The following CELF2 variants were observed in gnomAD, a reference collection of about 807,000 sequenced individuals.
CELF2 encodes the protein CUGBP Elav-like family member 2.
CELF2 carries 8 observed loss-of-function variants against 62.6 expected under a neutral mutation model. The observed-to-expected ratio is 0.13, with a 90% CI of 0.07 to 0.23. The LOEUF is 0.23. Among genes scored for constraint, CELF2 ranks in the 10% least tolerant of loss-of-function variants. The pLI, the probability that CELF2 is intolerant of heterozygous loss-of-function variation, is 1.00. For synonymous variants in CELF2, 258 were observed against 250.0 expected (o/e 1.03, Z -0.30); for missense variants, 333 against 671.0 (o/e 0.50, Z 5.56).
At chr10:11,293,090 C>A (rs1112521) in intron 9 of CELF2, among the ~76,000 whole-genome samples, 4,343 of 152,304 alleles carry the variant, frequency 0.029, 221 homozygotes, top group African/African-American at 0.099. Context: ...ATCCAGAATC[C>A]AGCCAGCACA....
At chr10:10,824,012 A>T (rs2057185561) in intron 1 of CELF2, among the ~76,000 whole-genome samples, 1 of 152,168 alleles carries the variant, frequency 6.6e-6, no homozygotes, top group Non-Finnish European at 1.5e-5. Flanking sequence ...ATACATAGAT[A>T]AATAGATGAT....
chr10:10,935,803 T>C (rs913439775), intron 2 of CELF2, among the ~76,000 whole-genome samples: 1 of 152,160 alleles, frequency 6.6e-6, no homozygotes, highest in Admixed American at 6.5e-5. Flanking sequence ...TTCCACTCTC[T>C]CATAGATTTT....
upstream of CELF2, among the ~76,000 whole-genome samples, chr10:10,796,097 C>A (rs1217481664): frequency 1.3e-5 from 2 of 152,094 alleles, no homozygotes; most frequent in Non-Finnish European, 2.9e-5. Context: ...TGAAAAGCCC[C>A]CAAGCAGATG....
the CELF2 span, among the ~76,000 whole-genome samples, chr10:10,510,983 A>T: frequency 6.6e-6 from 1 of 152,172 alleles, no homozygotes; most frequent in Non-Finnish European, 1.5e-5. Flanking sequence ...GTGAAAGGGA[A>T]CTCAGAGAGG....
chr10:11,312,976 G>A (rs1330975556), intron 9 of CELF2, among the ~76,000 whole-genome samples: 1 of 152,098 alleles, frequency 6.6e-6, no homozygotes, highest in Non-Finnish European at 1.5e-5. Flanking sequence ...AATATTAGCA[G>A]AACAAATAGG....
chr10:11,303,740 T>C (rs538143994), intron 9 of CELF2, among the ~76,000 whole-genome samples: 110 of 152,286 alleles, frequency 7.2e-4, no homozygotes, highest in African/African-American at 2.6e-3. Context: ...CTTCCATAAG[T>C]AAATCTCTGC....
At chr10:10,493,778 C>T in the CELF2 span, among the ~76,000 whole-genome samples, 3 of 152,220 alleles carry the variant, frequency 2.0e-5, no homozygotes, top group South Asian at 2.1e-4. Context: ...GTGATCCACC[C>T]GCCTCGGCCT....
the CELF2 span, among the ~76,000 whole-genome samples, chr10:10,598,746 TC>T: frequency 6.9e-6 from 1 of 144,994 alleles, no homozygotes; most frequent in African/African-American, 2.6e-5. Context: ...TTTTTCTTTT[TC>T]TTTCTTTTTT....
At chr10:11,007,780 G>T (rs901146782) in intron 1 of CELF2, among the ~76,000 whole-genome samples, 4 of 152,180 alleles carry the variant, frequency 2.6e-5, no homozygotes, top group Non-Finnish European at 5.9e-5. Context: ...TGGGAGGAAA[G>T]TAGCCTTCTG....
intron 1 of CELF2, among the ~76,000 whole-genome samples, chr10:11,062,407 G>T (rs2066999058): frequency 6.6e-6 from 1 of 152,184 alleles, no homozygotes; most frequent in Non-Finnish European, 1.5e-5. Flanking sequence ...AAACCTTCTG[G>T]AAAGGATTTA....
intron 1 of CELF2, among the ~76,000 whole-genome samples, chr10:11,142,684 A>AAAAC: frequency 1.1e-5 from 1 of 93,896 alleles, no homozygotes; most frequent in Non-Finnish European, 2.1e-5. Flanking sequence ...ACGCTGTCTC[A>AAAAC]AAAAAAAAAA....
chr10:11,283,594 GATGATGGATGGGGGCTGA>G, intron 8 of CELF2, among the ~76,000 whole-genome samples: 1 of 149,864 alleles, frequency 6.7e-6, no homozygotes, highest in South Asian at 2.1e-4. Flanking sequence ...TGGGTGACTA[GATGATGGATGGGGGCTGA>G]ATGATGGATG....
At chr10:11,106,749 G>A (rs925148497) in intron 1 of CELF2, among the ~76,000 whole-genome samples, 8 of 152,328 alleles carry the variant, frequency 5.3e-5, no homozygotes, top group East Asian at 3.9e-4. Flanking sequence ...TGGTCTTTAC[G>A]GAAGGAGCTA....
the CELF2 span, among the ~76,000 whole-genome samples, chr10:10,623,542 C>T: frequency 6.6e-6 from 1 of 152,142 alleles, no homozygotes; most frequent in African/African-American, 2.4e-5. Context: ...GTCCCCAAAG[C>T]CACTGCAGCA....
intron 3 of CELF2, 123 bp from the exon 4 acceptor site, chr10:11,249,030 G>C: frequency 1.4e-6 from 1 of 737,896 alleles, no homozygotes; most frequent in Non-Finnish European, 2.4e-6. Context: ...ATAGTACCTG[G>C]AGAAGTCTTG....
At chr10:11,115,777 ACCACTGCTAAT>A (rs1564804899) in intron 1 of CELF2, among the ~76,000 whole-genome samples, 1 of 152,222 alleles carries the variant, frequency 6.6e-6, no homozygotes, top group Non-Finnish European at 1.5e-5. Context: ...GTTACTCATC[ACCACTGCTAAT>A]CCAGTTTGGT....
At chr10:10,806,680 C>T (rs1312849764) in intron 1 of CELF2, among the ~76,000 whole-genome samples, 1 of 152,178 alleles carries the variant, frequency 6.6e-6, no homozygotes, top group African/African-American at 2.4e-5. Flanking sequence ...CACTGAGTCA[C>T]AATAAGGATC....
At position 10,846,652 on chromosome 10, in the gene CELF2, G is replaced by A. The variant is rs75667945; in HGVS notation, c.53+47835G>A. On this transcript the variant is annotated intron_variant, in intron 1 of 13. Coordinates refer to the CELF2 transcript ENST00000636488. Reference sequence around the variant, plus strand: ...ACCACGCAAAGCCAATGTGAAGCATGGAATGGCTCAGATCTGTAAGGGATG... The same window carrying A: ...ACCACGCAAAGCCAATGTGAAGCATAGAATGGCTCAGATCTGTAAGGGATG... 2.5e-3 allele frequency among the ~76,000 whole-genome samples: 376 copies of A among 152,300 alleles called. 2 individuals carry two copies. The highest frequency in any genetic ancestry group is 7.8e-3 in the African/African-American group (325 of 41,568).
chr10:10,899,354 TTATGAA>T (rs1564789130), intron 1 of CELF2, among the ~76,000 whole-genome samples: 1 of 152,160 alleles, frequency 6.6e-6, no homozygotes, highest in Non-Finnish European at 1.5e-5. Flanking sequence ...ACAGCACAGT[TTATGAA>T]TATAGAAAAT....
Sources: allele counts gnomAD v4.1 joint callset (sites outside exome capture counted in the v4.1 genomes callset), GRCh38; gene constraint gnomAD v4.1.1; transcripts MANE v1.5; gene names NCBI Gene and HGNC (gene_info 2026-07-23, HGNC 2026-07-21).